EHBP1: variants seen among roughly 807,000 people sequenced by gnomAD.
EHBP1 encodes EH domain binding protein 1.
In EHBP1, 55 loss-of-function variants were observed where a neutral mutation model predicts 144.0. The ratio of observed to expected loss-of-function variants is 0.38; its 90% CI spans 0.31 to 0.48. The LOEUF is 0.48. Among genes scored for constraint, EHBP1 ranks in the 20% least tolerant of loss-of-function variants. The pLI is 0.98. For missense variants in EHBP1, 1,200 were observed against 1,364.2 expected, an observed-to-expected ratio of 0.88 and a Z score of 1.90; for synonymous variants, 469 against 472.7, an observed-to-expected ratio of 0.99 and a Z score of 0.10.
intron 7 of EHBP1, among the ~76,000 whole-genome samples, chr2:62,848,615 A>G (rs1052553867): frequency 4.6e-5 from 7 of 152,258 alleles, no homozygotes; most frequent in African/African-American, 1.7e-4. Context: ...AACTATTGAT[A>G]TGCCCTACAA....
At chr2:62,904,473 C>T (rs1302880111) in intron 10 of EHBP1, among the ~76,000 whole-genome samples, 2 of 152,152 alleles carry the variant, frequency 1.3e-5, no homozygotes, top group Admixed American at 6.5e-5. Flanking sequence ...GGTAGTTTGC[C>T]CAAGGTTACC....
At chr2:62,713,148 AG>A (rs1355683938) in intron 2 of EHBP1, among the ~76,000 whole-genome samples, 1 of 152,114 alleles carries the variant, frequency 6.6e-6, no homozygotes, top group Admixed American at 6.6e-5. Flanking sequence ...AGGGTGGTCA[AG>A]GAATTTAGAG....
rs910353847 is a variant in EHBP1 at position 62,677,626 on chromosome 2, TC to T, written c.-296+3549del. 3.3e-5 allele frequency among the ~76,000 whole-genome samples: 5 copies of T among 151,982 alleles called. 1 individual carries two copies. The highest frequency in any genetic ancestry group is 1.2e-4 in the African/African-American group (5 of 41,378). On this transcript the variant is annotated intron_variant, in intron 1 of 22. Coordinates refer to the EHBP1 transcript ENST00000405015. The stretch of plus-strand genomic sequence containing the variant: ...TTTGTACCCATTAACCATCCCCACT[TC>T]CCCCCACCTACCCCACTACCCGTTG...
chr2:63,033,709 AAAAT>A (rs1207190415), intron 19 of EHBP1, among the ~76,000 whole-genome samples: 4 of 152,156 alleles, frequency 2.6e-5, no homozygotes, highest in African/African-American at 4.8e-5. Context: ...TACTTCTGAA[AAAAT>A]AAATAAAAAT....
intron 10 of EHBP1, among the ~76,000 whole-genome samples, chr2:62,880,964 T>C (rs2051355506): frequency 6.6e-6 from 1 of 151,856 alleles, no homozygotes; most frequent in Non-Finnish European, 1.5e-5. Context: ...CTATTCACAA[T>C]AGAAAACACA....
At chr2:62,785,072 G>A (rs2042709154) in intron 5 of EHBP1, among the ~76,000 whole-genome samples, 1 of 151,594 alleles carries the variant, frequency 6.6e-6, no homozygotes, top group Admixed American at 6.6e-5. Context: ...TTTATATTAT[G>A]ATCTAGTATA....
chr2:62,966,276 G>A (rs1182328009), intron 14 of EHBP1, among the ~76,000 whole-genome samples: 4 of 151,902 alleles, frequency 2.6e-5, no homozygotes, highest in Non-Finnish European at 5.9e-5. Context: ...GGAATAGTTA[G>A]ATTTTTTCCC....
chr2:62,781,114 G>A (rs943798663), intron 5 of EHBP1, among the ~76,000 whole-genome samples: 2 of 152,086 alleles, frequency 1.3e-5, no homozygotes, highest in Non-Finnish European at 2.9e-5. Flanking sequence ...GTATCCTACA[G>A]TCTGGAGTGG....
chr2:62,717,005 C>A (rs369141812), intron 2 of EHBP1, among the ~76,000 whole-genome samples: 2 of 152,086 alleles, frequency 1.3e-5, no homozygotes. Context: ...TGGCCTCAAG[C>A]GACCCTCTGC....
rs373034994 is a variant in EHBP1 at position 62,895,973 on chromosome 2, G to T, written c.1185+21441G>T. ...GTTAAATTAGTAAATTTAATGTTAG[G>T]TGTTTTCTACTACAATTTAAAAAAT... On this transcript the variant is annotated intron_variant, in intron 10 of 22. Coordinates refer to ENST00000431489, the MANE Select transcript of EHBP1 (RefSeq NM_001142616.3). Among the ~76,000 whole-genome samples, 30 of 152,222 alleles carry T rather than the reference G, an allele frequency of 2.0e-4. 1 individual carries two copies. Among genetic ancestry groups the T allele is most frequent in the African/African-American group, 6.7e-4 (28 of 41,542 alleles).
At chr2:62,688,430 A>G (rs1306428142) in intron 1 of EHBP1, among the ~76,000 whole-genome samples, 1 of 152,204 alleles carries the variant, frequency 6.6e-6, no homozygotes, top group Non-Finnish European at 1.5e-5. Context: ...TATAGTGATC[A>G]GATCAGGGTA....
chr2:62,750,841 G>A (rs2152208794), intron 3 of EHBP1, among the ~76,000 whole-genome samples: 1 of 152,342 alleles, frequency 6.6e-6, no homozygotes, highest in South Asian at 2.1e-4. Flanking sequence ...TTTGTGTCCT[G>A]AGACTTTGCT....
At chr2:62,946,317 C>T (rs746243060) in intron 12 of EHBP1, among the ~76,000 whole-genome samples, 30 of 152,110 alleles carry the variant, frequency 2.0e-4, no homozygotes, top group Non-Finnish European at 3.7e-4. Flanking sequence ...AGAAGACTGT[C>T]CCATTAAAAT....
chr2:62,958,717 A>G (rs2057845196), intron 14 of EHBP1, among the ~76,000 whole-genome samples: 1 of 152,230 alleles, frequency 6.6e-6, no homozygotes, highest in African/African-American at 2.4e-5. Context: ...TACAAGCAAA[A>G]GTTTTAAAAT....
At chr2:63,028,036 T>A (rs775709991) in intron 19 of EHBP1, among the ~76,000 whole-genome samples, 28 of 152,094 alleles carry the variant, frequency 1.8e-4, no homozygotes, top group Non-Finnish European at 3.5e-4. Context: ...GTGCTGGGAT[T>A]ACAGGCGTGA....
chr2:62,801,081 T>A (rs1306755257), intron 5 of EHBP1, among the ~76,000 whole-genome samples: 1 of 152,220 alleles, frequency 6.6e-6, no homozygotes, highest in African/African-American at 2.4e-5. Flanking sequence ...CTATACAATA[T>A]TTTATCTAAT....
rs578157330 is a variant in EHBP1, at chr2:62,752,187, T to C, written c.162+4735T>C. Among the ~76,000 whole-genome samples, 12 of 152,352 alleles carry C rather than the reference T, an allele frequency of 7.9e-5. No individual in the cohort carries two copies. The South Asian group carries it at 2.3e-3, about 29-fold the overall frequency. ...CAGAGATTCTGGTATGTTATGTGTT[T>C]GTTCTCATTGGTTTCAAAGAACATC... is the stretch of plus-strand genomic sequence containing the variant. On this transcript the variant is annotated intron_variant, in intron 3 of 22. Transcript: ENST00000431489.
chr2:62,727,264 T>A (rs148374595), intron 2 of EHBP1, among the ~76,000 whole-genome samples: 381 of 152,288 alleles, frequency 2.5e-3, no homozygotes, highest in South Asian at 8.3e-3. Context: ...GTAACCAGTT[T>A]TGTTATTCTG....
chr2:63,027,560 A>G (rs535619317), intron 19 of EHBP1, among the ~76,000 whole-genome samples: 3 of 152,306 alleles, frequency 2.0e-5, no homozygotes, highest in South Asian at 2.1e-4. Context: ...AGAAGGATCT[A>G]CACTGTCCTG....
Sources: gnomAD v4.1 joint callset for allele counts (sites outside exome capture counted in the v4.1 genomes callset) on GRCh38, gnomAD v4.1.1 for gene constraint, MANE v1.5 for transcripts, NCBI Gene and HGNC (gene_info 2026-07-23, HGNC 2026-07-21) for gene names.